Variants in GPD1L observed in about 807,000 individuals in gnomAD.
GPD1L encodes the protein glycerol-3-phosphate dehydrogenase 1-like protein.
Under a neutral mutation model 32.9 loss-of-function variants are expected in GPD1L, and 17 were observed. The observed-to-expected ratio is 0.52, with a 90% CI of 0.35 to 0.78. GPD1L has a LOEUF of 0.78. Among genes scored for constraint, GPD1L ranks in the 30% least tolerant of loss-of-function variants. The probability of loss-of-function intolerance (pLI) is 0.01; values close to 1 mark genes in which losing one functional copy is unlikely to be tolerated. For synonymous variants in GPD1L, 187 were observed against 165.9 expected, an observed-to-expected ratio of 1.13 and a Z score of -0.98; for missense variants, 361 against 447.8, an observed-to-expected ratio of 0.81 and a Z score of 1.75.
chr3:32,111,390 C>T (rs1700244031), intron 1 of GPD1L, among the ~76,000 whole-genome samples: 1 of 152,182 alleles, frequency 6.6e-6, no homozygotes, highest in South Asian at 2.1e-4. Flanking sequence ...GGGTCTCCCA[C>T]TTGGCAGCTC....
chr3:32,150,847 TG>T (rs1700908875), intron 5 of GPD1L, among the ~76,000 whole-genome samples: 1 of 152,144 alleles, frequency 6.6e-6, no homozygotes, highest in African/African-American at 2.4e-5. Context: ...CCCAGCACTT[TG>T]GGAGGCCGAG....
At chr3:32,146,323 T>G (rs1700825159) in intron 4 of GPD1L, among the ~76,000 whole-genome samples, 1 of 152,084 alleles carries the variant, frequency 6.6e-6, no homozygotes, top group Non-Finnish European at 1.5e-5. Context: ...CTTGACCTCG[T>G]GATCTGCCCG....
At chr3:32,133,420 T>A (rs557312520) in intron 2 of GPD1L, among the ~76,000 whole-genome samples, 8 of 152,308 alleles carry the variant, frequency 5.3e-5, no homozygotes, top group African/African-American at 1.9e-4. Flanking sequence ...TTCATTTGAA[T>A]AACAGGAAAA....
rs1416554991 is a variant in GPD1L, at chr3:32,167,330, G to T, written c.*1420G>T. ...AACACATTACACTGAAGAGATTTTG[G>T]TGAGGAAACTTGCTGGAGTTTTCAG... On this transcript the variant is annotated 3_prime_UTR_variant, in exon 8 of 8. Coordinates refer to ENST00000282541, the MANE Select transcript of GPD1L (RefSeq NM_015141.4). 6.6e-6 allele frequency: 1 copy of T among 152,370 alleles called. No individual in the cohort carries two copies. The highest frequency in any genetic ancestry group is 2.4e-5 in the African/African-American group (1 of 41,448). The allele number at this position is 152,370 out of a possible 1,614,324, so 9.4% of individuals were successfully genotyped here.
intron 1 of GPD1L, among the ~76,000 whole-genome samples, chr3:32,121,958 A>T (rs1452767853): frequency 6.6e-6 from 1 of 151,722 alleles, no homozygotes; most frequent in African/African-American, 2.4e-5. Flanking sequence ...TTTAGCAGAG[A>T]CGGTGTTTTA....
intron 6 of GPD1L, 146 bp from the exon 7 acceptor site, chr3:32,159,422 C>T: frequency 1.5e-6 from 1 of 662,370 alleles, no homozygotes; most frequent in South Asian, 2.0e-5. Context: ...CTTTAGGCCG[C>T]AAGTTCGAGG....
chr3:32,116,563 G>T (rs1700336088), intron 1 of GPD1L, among the ~76,000 whole-genome samples: 1 of 151,450 alleles, frequency 6.6e-6, no homozygotes, highest in African/African-American at 2.4e-5. Flanking sequence ...GAGTAGCTTT[G>T]CCAGGAAAGG....
chr3:32,136,264 A>G (rs1276502549), intron 2 of GPD1L, among the ~76,000 whole-genome samples: 1 of 152,262 alleles, frequency 6.6e-6, no homozygotes, highest in Non-Finnish European at 1.5e-5. Context: ...TCACAGCAGC[A>G]TCCCACACTG....
chr3:32,149,220 C>T (rs1290034347), intron 5 of GPD1L, among the ~76,000 whole-genome samples: 2 of 152,046 alleles, frequency 1.3e-5, no homozygotes, highest in Non-Finnish European at 2.9e-5. Flanking sequence ...CTGCCATGCC[C>T]GACTAATTTT....
intron 7 of GPD1L, among the ~76,000 whole-genome samples, chr3:32,160,903 T>C (rs1222595186): frequency 6.6e-6 from 1 of 152,308 alleles, no homozygotes; most frequent in East Asian, 1.9e-4. Context: ...CATAAATGCT[T>C]ATGCAGCATA....
intron 4 of GPD1L, among the ~76,000 whole-genome samples, chr3:32,142,575 T>C (rs1244089636): frequency 6.6e-6 from 1 of 152,240 alleles, no homozygotes; most frequent in Non-Finnish European, 1.5e-5. Context: ...ATATAGCCTG[T>C]GAAATTGTTA....
intron 7 of GPD1L, among the ~76,000 whole-genome samples, chr3:32,161,318 G>A (rs370516355): frequency 2.6e-5 from 4 of 152,224 alleles, no homozygotes; most frequent in African/African-American, 9.6e-5. Flanking sequence ...ATGCAGAGAT[G>A]GAAGTTCACA....
At chr3:32,126,532 G>A (rs113659671) in intron 1 of GPD1L, among the ~76,000 whole-genome samples, 1 of 152,200 alleles carries the variant, frequency 6.6e-6, no homozygotes, top group African/African-American at 2.4e-5. Flanking sequence ...CTGTGAGTAC[G>A]TGAGCAGCTG....
intron 4 of GPD1L, among the ~76,000 whole-genome samples, chr3:32,142,713 A>G (rs373405002): frequency 1.1e-4 from 17 of 152,290 alleles, no homozygotes; most frequent in Admixed American, 3.9e-4. Context: ...CCCTGATCCA[A>G]TCCTGGCTAG....
At chr3:32,128,285 C>A (rs750521758) in intron 2 of GPD1L, 32 bp downstream of exon 2, 3 of 1,573,980 alleles carry the variant, frequency 1.9e-6, no homozygotes, top group Non-Finnish European at 2.6e-6. Flanking sequence ...TACATTGGTT[C>A]ATTCTGCAAG....
intron 7 of GPD1L, among the ~76,000 whole-genome samples, chr3:32,159,913 A>G (rs111552435): frequency 6.6e-6 from 1 of 152,274 alleles, no homozygotes; most frequent in Non-Finnish European, 1.5e-5. Flanking sequence ...TCTATAAGTC[A>G]TGTTATAAAA....
intron 5 of GPD1L, among the ~76,000 whole-genome samples, chr3:32,147,548 C>T (rs1406247362): frequency 6.6e-6 from 1 of 152,178 alleles, no homozygotes; most frequent in Non-Finnish European, 1.5e-5. Flanking sequence ...CAGGGAACAG[C>T]AGCAGCTACC....
chr3:32,106,633 G>A lies in GPD1L; in HGVS notation c.-79G>A. 2.2e-6 allele frequency: 3 copies of A among 1,344,944 alleles called. No individual in the cohort carries two copies. The highest frequency in any genetic ancestry group is 3.2e-5 in the Admixed American group (1 of 31,146). The allele number at this position is 1,344,944 out of a possible 1,614,324, so 83.3% of individuals were successfully genotyped here. ...GAAAGGGGCGGGGCCGCCGCCAGCC[G>A]CTGCGGGCAAGGCTGAACAGGCGGA... is the stretch of plus-strand genomic sequence containing the variant. On this transcript the variant is annotated 5_prime_UTR_variant, in exon 1 of 8. Coordinates refer to ENST00000282541, the MANE Select transcript of GPD1L (RefSeq NM_015141.4). The surrounding 1 kb of genome is among the most constrained non-coding windows in gnomAD (Gnocchi z 4.0).
At chr3:32,139,579 C>T (rs1352136076) in intron 3 of GPD1L, among the ~76,000 whole-genome samples, 3 of 152,142 alleles carry the variant, frequency 2.0e-5, no homozygotes, top group Admixed American at 1.3e-4. Context: ...AGGCCCATGT[C>T]GTTGGAAAGA....
Sources: gnomAD v4.1 joint callset for allele counts (sites outside exome capture counted in the v4.1 genomes callset) on GRCh38, gnomAD v4.1.1 for gene constraint, Gnocchi (gnomAD v3.1) non-coding constraint, MANE v1.5 for transcripts, NCBI Gene and HGNC (gene_info 2026-07-23, HGNC 2026-07-21) for gene names.